Variants in PPP2R2D observed in about 807,000 individuals in gnomAD.
The protein encoded by PPP2R2D is serine/threonine-protein phosphatase 2A 55 kDa regulatory subunit B delta isoform.
PPP2R2D carries 9 observed loss-of-function variants against 31.1 expected under a neutral mutation model. That is an observed-to-expected ratio of 0.29 (90% CI 0.17 to 0.51). The LOEUF is 0.51. PPP2R2D is among the 20% of genes least tolerant of loss of function. PPP2R2D has a pLI of 0.98. For missense variants in PPP2R2D, 391 were observed against 465.6 expected (o/e 0.84, Z 1.48); for synonymous variants, 179 against 172.6 (o/e 1.04, Z -0.29).
rs1436284649 is a variant in PPP2R2D at position 131,901,341 on chromosome 10, C to G, written c.100+11C>G. 2.2e-5 allele frequency: 8 copies of G among 356,642 alleles called. No individual in the cohort carries two copies. Among genetic ancestry groups the G allele is most frequent in the Admixed American group, 4.7e-5 (1 of 21,202 alleles). The allele number at this position is 356,642 out of a possible 1,614,324, so 22.1% of individuals were successfully genotyped here. On this transcript the variant is annotated intron_variant, in intron 2 of 8. Transcript: ENST00000455566. Reference sequence around the variant, plus strand: ...AGGACGTGGCCGAAGGTGAGCCCCGCGCCGCGCCCCGCCCCGGGACCCTCG... The same window carrying G: ...AGGACGTGGCCGAAGGTGAGCCCCGGGCCGCGCCCCGCCCCGGGACCCTCG...
intron 2 of PPP2R2D, among the ~76,000 whole-genome samples, chr10:131,909,912 TTAAG>T (rs1589922104): frequency 6.6e-6 from 1 of 152,268 alleles, no homozygotes; most frequent in African/African-American, 2.4e-5. Context: ...AACAAAAAGA[TTAAG>T]CAAGAAGAAC....
chr10:131,970,491 G>T, the PPP2R2D span: 1 of 1,216,592 alleles, frequency 8.2e-7, no homozygotes, highest in Non-Finnish European at 1.1e-6. The surrounding 1 kb of genome is among the most constrained non-coding windows in gnomAD (Gnocchi z 4.1). Context: ...TTCTGGACCT[G>T]AACAGTGACT....
At chr10:131,955,612 G>C in intron 8 of PPP2R2D, 72 bp from the exon 9 acceptor site, 1 of 1,305,236 alleles carries the variant, frequency 7.7e-7, no homozygotes, top group Non-Finnish European at 9.9e-7. Flanking sequence ...GTGCACCCCA[G>C]GGGTGGGGTC....
rs2036182119 is a variant in PPP2R2D at position 131,929,786 on chromosome 10, T to C, written c.101-4672T>C. Among the ~76,000 whole-genome samples, 2 of 152,104 alleles carry C rather than the reference T, an allele frequency of 1.3e-5. 1 individual carries two copies. ...GGCATGTTTTACAGATCCCACTGACTCCGTTTCCCCTTCCCCATCCACAGC... is the reference window on the plus strand; with the variant it reads ...GGCATGTTTTACAGATCCCACTGACCCCGTTTCCCCTTCCCCATCCACAGC... On this transcript the variant is annotated intron_variant, in intron 2 of 8. Coordinates refer to ENST00000455566, the MANE Select transcript of PPP2R2D (RefSeq NM_018461.5).
At chr10:131,966,567 T>C in the PPP2R2D span, 2 of 151,928 alleles carry the variant, frequency 1.3e-5, no homozygotes, top group African/African-American at 4.8e-5. Flanking sequence ...AGTCCCAGAG[T>C]TGTTTTTTCT....
At chr10:131,936,890 C>T (rs2036351682) in intron 3 of PPP2R2D, among the ~76,000 whole-genome samples, 4 of 152,342 alleles carry the variant, frequency 2.6e-5, no homozygotes, top group Non-Finnish European at 4.4e-5. Context: ...TTAGAGCATT[C>T]GGCTGGTTGC....
At chr10:131,939,912 A>T in intron 3 of PPP2R2D, 119 bp from the exon 4 acceptor site, 59 of 347,576 alleles carry the variant, frequency 1.7e-4, no homozygotes, top group Non-Finnish European at 2.2e-4. Flanking sequence ...GATTTTTTTG[A>T]GCCAGGATTT....
chr10:131,917,743 A>G (rs1554893447), intron 2 of PPP2R2D, among the ~76,000 whole-genome samples: 2 of 118,934 alleles, frequency 1.7e-5, no homozygotes, highest in African/African-American at 3.3e-5. Context: ...GGGTGGAATG[A>G]CACAGTATAG....
intron 2 of PPP2R2D, among the ~76,000 whole-genome samples, chr10:131,918,553 A>G (rs2035878308): frequency 1.4e-5 from 2 of 144,154 alleles, no homozygotes; most frequent in South Asian, 4.5e-4. Context: ...TAGGGATCTC[A>G]CGTGGGTGGA....
At chr10:131,929,173 C>T (rs10159746) in intron 2 of PPP2R2D, among the ~76,000 whole-genome samples, 42,423 of 152,032 alleles carry the variant, frequency 0.28, 6,045 homozygotes, top group East Asian at 0.45. Flanking sequence ...TTTCTGTCTC[C>T]TGTGCTTCCC....
chr10:131,931,168 G>A (rs1281699375), intron 2 of PPP2R2D, among the ~76,000 whole-genome samples: 1 of 152,134 alleles, frequency 6.6e-6, no homozygotes, highest in African/African-American at 2.4e-5. Flanking sequence ...GCTTCCTGGG[G>A]CTCTTAGAGG....
chr10:131,953,167 T>TTGTGGGTG (rs1554899238), intron 8 of PPP2R2D, among the ~76,000 whole-genome samples: 7 of 107,012 alleles, frequency 6.5e-5, no homozygotes, highest in South Asian at 3.6e-4. Context: ...TCTTAGTGAC[T>TTGTGGGTG]TGCGGGTGTG....
At chr10:131,944,907 G>T (rs528451826) in intron 6 of PPP2R2D, among the ~76,000 whole-genome samples, 3 of 152,274 alleles carry the variant, frequency 2.0e-5, no homozygotes, top group Admixed American at 6.5e-5. Flanking sequence ...TTGGAATTTG[G>T]CGGCATTCTT....
At chr10:131,950,464 G>A (rs1185378684) in intron 8 of PPP2R2D, among the ~76,000 whole-genome samples, 1 of 150,000 alleles carries the variant, frequency 6.7e-6, no homozygotes, top group African/African-American at 2.5e-5. Flanking sequence ...GCTTTGCCAC[G>A]GCCACAGTGG....
intron 3 of PPP2R2D, among the ~76,000 whole-genome samples, chr10:131,937,147 G>C (rs1263683851): frequency 1.3e-5 from 2 of 152,254 alleles, no homozygotes; most frequent in Non-Finnish European, 2.9e-5. Flanking sequence ...GATTGTGGAA[G>C]GTGCAGGGCC....
At position 131,940,150 on chromosome 10, in the gene PPP2R2D, G is replaced by T. The variant is rs782099756; in HGVS notation, c.318G>T (p.Arg106Ser). 5 of 776,590 alleles carry T rather than the reference G, an allele frequency of 6.4e-6. No homozygotes were observed. The highest frequency in any genetic ancestry group is 5.4e-5 in the South Asian group (4 of 73,824). 48.1% of individuals were successfully genotyped at this position (776,590 alleles called of 1,614,324 possible). A position where few individuals can be genotyped will look rare whatever the true frequency, so the allele number is the denominator to read the frequency against. ...LEIEEKINKI[R>S]WLPQQNAAHF... is the part of the protein sequence containing the mutation. ...TTGAGGAAAAAATTAATAAAATTAG[G>T]TGGTTACCACAACAGAATGCTGCTC... Residue 106 changes from arginine to serine, a missense_variant, in exon 4 of 9, where the codon AGG becomes AGT. Coordinates refer to ENST00000455566, the MANE Select transcript of PPP2R2D (RefSeq NM_018461.5).
chr10:131,952,934 G>A (rs1460196091), intron 8 of PPP2R2D, among the ~76,000 whole-genome samples: 2 of 65,626 alleles, frequency 3.0e-5, no homozygotes, highest in African/African-American at 1.3e-4. Context: ...CTTGCGGGGG[G>A]GGTCCCTGTC....
At chr10:131,916,370 TGTG>T (rs2035780632) in intron 2 of PPP2R2D, among the ~76,000 whole-genome samples, 1 of 152,008 alleles carries the variant, frequency 6.6e-6, no homozygotes, top group Non-Finnish European at 1.5e-5. Context: ...TTTTTTTAAT[TGTG>T]GTAAAATATA....
chr10:131,902,692 A>G (rs2035520052), intron 2 of PPP2R2D, among the ~76,000 whole-genome samples: 1 of 152,186 alleles, frequency 6.6e-6, no homozygotes, highest in Non-Finnish European at 1.5e-5. Flanking sequence ...GTAAAGCAAA[A>G]CTTGTTTGGG....
Sources: allele counts gnomAD v4.1 joint callset (sites outside exome capture counted in the v4.1 genomes callset), GRCh38; gene constraint gnomAD v4.1.1; non-coding constraint Gnocchi (gnomAD v3.1); transcripts MANE v1.5; gene names NCBI Gene and HGNC (gene_info 2026-07-23, HGNC 2026-07-21).